Variants in STRN observed in about 807,000 individuals in gnomAD.
The protein encoded by STRN is striatin.
Under a neutral mutation model 96.3 loss-of-function variants are expected in STRN, and 53 were observed. The observed-to-expected ratio is 0.55, with a 90% CI of 0.44 to 0.69. The LOEUF is 0.69. Ranked by LOEUF, STRN falls within the 30% of genes least tolerant of loss-of-function variation. The pLI, the probability that STRN is intolerant of heterozygous loss-of-function variation, is 0.00. For synonymous variants in STRN, 428 were observed against 355.9 expected, an observed-to-expected ratio of 1.20 and a Z score of -2.28; for missense variants, 987 against 963.9, an observed-to-expected ratio of 1.02 and a Z score of -0.32.
In STRN at chr2:36,963,886, G is replaced by A. The variant is rs555277166; in HGVS notation, c.234+2344C>T. Among the ~76,000 whole-genome samples, 3 of 152,266 alleles carry A rather than the reference G, an allele frequency of 2.0e-5. No homozygotes were observed. The South Asian group carries it at 6.2e-4, about 32-fold the overall frequency. On this transcript the variant is annotated intron_variant, in intron 1 of 17. Transcript: ENST00000263918. ...GCAGAAGGATTGCTTAAACTTGGGAGGCTGAGGCAGAAGGATTGCTTAAAC... is the reference window on the plus strand; with the variant it reads ...GCAGAAGGATTGCTTAAACTTGGGAAGCTGAGGCAGAAGGATTGCTTAAAC...
intron 7 of STRN, among the ~76,000 whole-genome samples, chr2:36,892,858 TA>T (rs1466823275): frequency 7.9e-5 from 12 of 151,998 alleles, no homozygotes; most frequent in African/African-American, 2.7e-4. Context: ...CTGTTACTAC[TA>T]AAAATACAAA....
chr2:36,857,817 T>C (rs750894022), intron 14 of STRN, 39 bp downstream of exon 14: 1 of 1,545,674 alleles, frequency 6.5e-7, no homozygotes, highest in Admixed American at 1.7e-5. Context: ...TAAACTGTTT[T>C]ATAGAGGATT....
chr2:36,904,733 C>T (rs1669773905), intron 4 of STRN, among the ~76,000 whole-genome samples: 1 of 152,112 alleles, frequency 6.6e-6, no homozygotes, highest in East Asian at 1.9e-4. Flanking sequence ...GAGGCTGACG[C>T]AAGAGAATCA....
chr2:36,953,509 T>G (rs1391680289), intron 1 of STRN, among the ~76,000 whole-genome samples: 4 of 151,642 alleles, frequency 2.6e-5, no homozygotes, highest in Non-Finnish European at 5.9e-5. Flanking sequence ...TTCACACCAT[T>G]CTCCTGCCTC....
At chr2:36,854,011 C>T (rs758493630) in intron 15 of STRN, among the ~76,000 whole-genome samples, 3 of 152,114 alleles carry the variant, frequency 2.0e-5, no homozygotes, top group Non-Finnish European at 2.9e-5. Flanking sequence ...AATTTAGAGT[C>T]ACATCTCTTG....
At position 36,902,737 on chromosome 2, in the gene STRN, A is replaced by T; in HGVS notation, c.506T>A (p.Val169Glu). ...ATCTAGAATAGTATCTGTATAACCC[A>T]CCTCCTGTAGATACCTGTGTGAAGA... is the stretch of plus-strand genomic sequence containing the variant. ...RQLLRQYLQE[V>E]GYTDTILDVK... is the part of the protein sequence containing the mutation. Residue 169 changes from valine (V) to glutamate (E), a missense_variant, in exon 5 of 18, where the codon GTG becomes GAG. Transcript: ENST00000263918. 1 of 1,605,608 alleles carries T rather than the reference A, an allele frequency of 6.2e-7. No individual in the cohort carries two copies. The highest frequency in any genetic ancestry group is 8.5e-7 in the Non-Finnish European group (1 of 1,174,908).
chr2:36,962,882 G>A (rs78407517), intron 1 of STRN, among the ~76,000 whole-genome samples: 10,707 of 152,194 alleles, frequency 0.07, 535 homozygotes, highest in African/African-American at 0.14. Flanking sequence ...AAGTTATATC[G>A]TACTAATAAC....
At position 36,902,697 on chromosome 2, in the gene STRN, T is replaced by G. The variant is rs146378769; in HGVS notation, c.546A>C (p.Arg182=). 16 of 1,610,826 alleles carry G rather than the reference T, an allele frequency of 9.9e-6. No individual in the cohort carries two copies. The highest frequency in any genetic ancestry group is 1.3e-5 in the African/African-American group (1 of 74,890). The change falls in exon 5 of 18, where the codon CGA becomes CGC. Residue 182 remains arginine, a synonymous_variant. Coordinates refer to ENST00000263918, the MANE Select transcript of STRN (RefSeq NM_003162.4). ...TDTILDVKSK[R]VRALLGFSSD... is the part of the protein sequence containing the mutation. ...TTGAAAAGCCCAACAAAGCTCGCAC[T>G]CGTTTAGATTTCACATCTAGAATAG... is the stretch of plus-strand genomic sequence containing the variant.
chr2:36,870,523 T>G (rs1224046580), intron 10 of STRN, among the ~76,000 whole-genome samples: 1 of 152,166 alleles, frequency 6.6e-6, no homozygotes, highest in Admixed American at 6.5e-5. Context: ...CCCATAAAAT[T>G]ATAATGAAGC....
At position 36,883,948 on chromosome 2, in the gene STRN, A is replaced by G; in HGVS notation, c.1170T>C (p.Ile390=). The change falls in exon 9 of 18, where the codon ATT becomes ATC. Residue 390 remains isoleucine (I), a synonymous_variant. Transcript: ENST00000263918. ...AATACTTACCTTCATCTGCCCTATTAATTTCATGTTCAGGAAGCCTGGAGC... is the reference window on the plus strand; with the variant it reads ...AATACTTACCTTCATCTGCCCTATTGATTTCATGTTCAGGAAGCCTGGAGC... ...PSSSRLPEHE[I]NRADEVEALT... 1.4e-6 allele frequency: 2 copies of G among 1,402,464 alleles called. No individual in the cohort carries two copies. The highest frequency in any genetic ancestry group is 1.5e-5 in the African/African-American group (1 of 67,952). The allele number at this position is 1,402,464 out of a possible 1,614,324, so 86.9% of individuals were successfully genotyped here.
intron 1 of STRN, among the ~76,000 whole-genome samples, chr2:36,926,344 C>T (rs551274779): frequency 6.6e-6 from 1 of 152,112 alleles, no homozygotes; most frequent in Non-Finnish European, 1.5e-5. Flanking sequence ...GTCATAAGGG[C>T]CTCAAAACTA....
At chr2:36,887,599 G>A (rs1202460378) in intron 7 of STRN, among the ~76,000 whole-genome samples, 2 of 152,020 alleles carry the variant, frequency 1.3e-5, no homozygotes, top group African/African-American at 2.4e-5. Flanking sequence ...CAAAATAAAC[G>A]CCAATGATCT....
At chr2:36,866,372 CTT>C (rs912482197) in intron 12 of STRN, among the ~76,000 whole-genome samples, 1 of 152,122 alleles carries the variant, frequency 6.6e-6, no homozygotes, top group African/African-American at 2.4e-5. Context: ...CAGCCACTGA[CTT>C]TTATTTTTAC....
intron 1 of STRN, among the ~76,000 whole-genome samples, chr2:36,943,177 C>T (rs1572691927): frequency 6.6e-6 from 1 of 151,638 alleles, no homozygotes; most frequent in East Asian, 1.9e-4. Context: ...AAAAATGTAA[C>T]ATAGAAGGAA....
chr2:36,965,909 T>G (rs1044204725), intron 1 of STRN, among the ~76,000 whole-genome samples: 1 of 151,914 alleles, frequency 6.6e-6, no homozygotes, highest in Non-Finnish European at 1.5e-5. Context: ...CCAGCCCAAT[T>G]AGTAAACCGA....
chr2:36,860,050 G>T (rs1668437124), intron 13 of STRN, among the ~76,000 whole-genome samples: 1 of 152,154 alleles, frequency 6.6e-6, no homozygotes, highest in Non-Finnish European at 1.5e-5. Flanking sequence ...ACGGAAACAA[G>T]GTCAAGAAAA....
intron 2 of STRN, among the ~76,000 whole-genome samples, chr2:36,923,139 T>C (rs1311440990): frequency 7.7e-6 from 1 of 129,834 alleles, no homozygotes; most frequent in Non-Finnish European, 1.6e-5. Context: ...AAACTCCGTC[T>C]GAAAAAAAAA....
intron 1 of STRN, among the ~76,000 whole-genome samples, chr2:36,936,512 C>G (rs1334219450): frequency 2.0e-5 from 3 of 152,112 alleles, no homozygotes; most frequent in Non-Finnish European, 4.4e-5. Flanking sequence ...TTAACTAACA[C>G]CATCTTATTA....
intron 1 of STRN, among the ~76,000 whole-genome samples, chr2:36,953,496 A>G (rs1664808665): frequency 6.9e-6 from 1 of 145,892 alleles, no homozygotes; most frequent in African/African-American, 2.6e-5. Context: ...TCCGCCTCCC[A>G]GGTTCACACC....
Sources: gnomAD v4.1 joint callset for allele counts (sites outside exome capture counted in the v4.1 genomes callset) on GRCh38, gnomAD v4.1.1 for gene constraint, MANE v1.5 for transcripts, NCBI Gene and HGNC (gene_info 2026-07-23, HGNC 2026-07-21) for gene names.